Variants in SLC25A21 observed in about 807,000 individuals in gnomAD.
SLC25A21 encodes the protein solute carrier family 25 member 21.
Under a neutral mutation model 43.8 loss-of-function variants are expected in SLC25A21, and 47 were observed. The observed-to-expected ratio is 1.07, with a 90% CI of 0.85 to 1.37. The LOEUF (loss-of-function observed/expected upper bound fraction) is 1.37, where lower values mean the gene tolerates loss of function less well. Among genes scored for constraint, SLC25A21 ranks in the 40% most tolerant of loss-of-function variants. The pLI is 0.00. For synonymous variants in SLC25A21, 131 were observed against 121.3 expected (o/e 1.08, Z -0.52); for missense variants, 352 against 350.2 (o/e 1.00, Z -0.04).
chr14:37,058,568 C>A (rs1961878879), intron 1 of SLC25A21, among the ~76,000 whole-genome samples: 2 of 152,190 alleles, frequency 1.3e-5, no homozygotes, highest in South Asian at 4.1e-4. Context: ...AAGATGATGT[C>A]TAAGGCCTTT....
At chr14:37,121,305 CCT>C (rs917637197) in intron 1 of SLC25A21, among the ~76,000 whole-genome samples, 9 of 152,070 alleles carry the variant, frequency 5.9e-5, no homozygotes, top group African/African-American at 2.2e-4. Context: ...CGATTTTTCC[CCT>C]GAGATAAATT....
At position 36,733,766 on chromosome 14, in the gene SLC25A21, G is replaced by T. The variant is rs1884924228; in HGVS notation, c.270+741C>A. ...TATTTGGTGATGTCAGTGGTGCGGG[G>T]GAGGGGAGCAATGCCTGTCAGAGTC... On this transcript the variant is annotated intron_variant, in intron 4 of 9. Coordinates refer to ENST00000331299, the MANE Select transcript of SLC25A21 (RefSeq NM_030631.4). 2.0e-5 allele frequency among the ~76,000 whole-genome samples: 3 copies of T among 152,148 alleles called. No individual in the cohort carries two copies. The South Asian group carries it at 6.2e-4, about 32-fold the overall frequency.
intron 6 of SLC25A21, among the ~76,000 whole-genome samples, chr14:36,716,689 A>G (rs1482095405): frequency 6.6e-6 from 1 of 152,142 alleles, no homozygotes; most frequent in African/African-American, 2.4e-5. Context: ...GGCAGCCCCA[A>G]CTATTTTTTC....
intron 2 of SLC25A21, among the ~76,000 whole-genome samples, chr14:36,824,534 C>A (rs1012846031): frequency 2.0e-5 from 3 of 152,104 alleles, no homozygotes; most frequent in Admixed American, 2.0e-4. Context: ...CATATATAAT[C>A]TATCCCAGTG....
intron 3 of SLC25A21, among the ~76,000 whole-genome samples, chr14:36,807,707 A>C (rs1888093889): frequency 6.6e-6 from 1 of 152,206 alleles, no homozygotes. Flanking sequence ...AATTGAGCCA[A>C]ACACCTTGGA....
At chr14:37,161,734 G>C (rs1391872774) in intron 1 of SLC25A21, among the ~76,000 whole-genome samples, 2 of 151,888 alleles carry the variant, frequency 1.3e-5, no homozygotes, top group African/African-American at 4.8e-5. Context: ...GCCGAGGCGG[G>C]CGAATCACAA....
chr14:36,791,305 C>T (rs972273568), intron 3 of SLC25A21, among the ~76,000 whole-genome samples: 1 of 152,142 alleles, frequency 6.6e-6, no homozygotes, highest in Non-Finnish European at 1.5e-5. Flanking sequence ...GCATTCTGCA[C>T]TTTACAGTAA....
intron 1 of SLC25A21, among the ~76,000 whole-genome samples, chr14:36,941,279 A>G (rs1892550402): frequency 6.6e-6 from 1 of 152,118 alleles, no homozygotes; most frequent in African/African-American, 2.4e-5. Context: ...TAGCTCAAAT[A>G]TATAGTTTAG....
chr14:36,851,010 T>G (rs752173163), intron 2 of SLC25A21, among the ~76,000 whole-genome samples: 1 of 152,264 alleles, frequency 6.6e-6, no homozygotes, highest in Non-Finnish European at 1.5e-5. Context: ...ACAGTCTGCC[T>G]GTTTAAGCGA....
chr14:37,015,591 G>A (rs1419722971), intron 1 of SLC25A21, among the ~76,000 whole-genome samples: 1 of 151,274 alleles, frequency 6.6e-6, no homozygotes, highest in Non-Finnish European at 1.5e-5. Context: ...GGTATTTCTA[G>A]TTCTGGATCC....
intron 1 of SLC25A21, among the ~76,000 whole-genome samples, chr14:36,879,522 G>A (rs1890646458): frequency 6.6e-6 from 1 of 152,112 alleles, no homozygotes; most frequent in South Asian, 2.1e-4. Context: ...ATATCTCTAA[G>A]ATTTGAATGA....
In SLC25A21 at chr14:37,172,370, A is replaced by G. The variant is rs780952761; in HGVS notation, c.-20T>C. On this transcript the variant is annotated 5_prime_UTR_variant, in exon 1 of 10. Transcript: ENST00000331299. ...GGACATCTTCGCCAGGCGGGAGGAC[A>G]AGGGAGTGGGCTGAGATGCGTCAAC... 6 of 1,587,762 alleles carry G rather than the reference A, an allele frequency of 3.8e-6. No homozygotes were observed. In the South Asian group the frequency reaches 4.6e-5, roughly 12 times the overall value.
intron 3 of SLC25A21, among the ~76,000 whole-genome samples, chr14:36,743,512 C>T (rs1885362025): frequency 2.0e-5 from 3 of 152,040 alleles, no homozygotes; most frequent in Non-Finnish European, 4.4e-5. Context: ...AAAAAAAGTC[C>T]TTCACCAGAA....
intron 1 of SLC25A21, among the ~76,000 whole-genome samples, chr14:37,084,760 C>T (rs1372256741): frequency 6.6e-6 from 1 of 152,092 alleles, no homozygotes; most frequent in Non-Finnish European, 1.5e-5. Context: ...TCCTTAGTTG[C>T]TATAGACTAC....
rs1555326615 is a variant in SLC25A21, at chr14:36,764,079, A to AGAAAGAAG, written c.204-29507_204-29506insCTTCTTTC. Among the ~76,000 whole-genome samples the AGAAAGAAG allele has an allele frequency of 2.1e-3, 86 of 41,852 alleles. 1 individual carries two copies. Among genetic ancestry groups the AGAAAGAAG allele is most frequent in the East Asian group, 0.01 (4 of 386 alleles). 27.5% of individuals were successfully genotyped at this position (41,852 alleles called of 152,430 possible). ...AAGAAAGAAAGAAAGAAAGAAAGAA[A>AGAAAGAAG]GAAGGAAGGAAGGAAGGAAGGAAGG... On this transcript the variant is annotated intron_variant, in intron 3 of 9. Coordinates refer to ENST00000331299, the MANE Select transcript of SLC25A21 (RefSeq NM_030631.4).
intron 1 of SLC25A21, among the ~76,000 whole-genome samples, chr14:37,142,378 G>A (rs1257990966): frequency 6.6e-6 from 1 of 152,034 alleles, no homozygotes; most frequent in Non-Finnish European, 1.5e-5. Context: ...ATTCCTTTTT[G>A]GAGACAGGGT....
chr14:36,811,638 T>C (rs544392699), intron 3 of SLC25A21, among the ~76,000 whole-genome samples: 1 of 151,586 alleles, frequency 6.6e-6, no homozygotes, highest in South Asian at 2.1e-4. Context: ...CGTAACAGAG[T>C]GAGAGTCCGT....
At chr14:36,810,263 T>C (rs954132559) in intron 3 of SLC25A21, among the ~76,000 whole-genome samples, 2 of 152,158 alleles carry the variant, frequency 1.3e-5, no homozygotes, top group Non-Finnish European at 1.5e-5. Flanking sequence ...ACATACTGTA[T>C]GTTTGTTATA....
At chr14:37,122,108 T>G (rs1020641261) in intron 1 of SLC25A21, among the ~76,000 whole-genome samples, 1 of 152,218 alleles carries the variant, frequency 6.6e-6, no homozygotes. Context: ...GAGGATATAG[T>G]GTACCTTTTT....
Sources: allele counts gnomAD v4.1 joint callset (sites outside exome capture counted in the v4.1 genomes callset), GRCh38; gene constraint gnomAD v4.1.1; transcripts MANE v1.5; gene names NCBI Gene and HGNC (gene_info 2026-07-23, HGNC 2026-07-21).